Variants in ZNF124 observed in about 807,000 individuals in gnomAD.
ZNF124 encodes the protein zinc finger protein HZF-16.
In ZNF124, 25 loss-of-function variants were observed where a neutral mutation model predicts 26.6. The observed-to-expected ratio is 0.94, with a 90% confidence interval of 0.68 to 1.31. ZNF124 has a LOEUF of 1.31. ZNF124 is among the 40% of genes most tolerant of loss of function. ZNF124 has a pLI of 0.00. For missense variants in ZNF124, 444 were observed against 422.2 expected (o/e 1.05, Z -0.45); for synonymous variants, 129 against 133.3 (o/e 0.97, Z 0.22).
At position 247,157,411 on chromosome 1, in the gene ZNF124, G is replaced by T; in HGVS notation, c.219-8C>A. The T allele has an allele frequency of 6.4e-7, 1 of 1,551,644 alleles. No individual in the cohort carries two copies. The highest frequency in any genetic ancestry group is 1.2e-5 in the South Asian group (1 of 84,116). On this transcript the variant is annotated splice_polypyrimidine_tract_variant and splice_region_variant and intron_variant, in intron 3 of 3. Coordinates refer to ENST00000543802, the MANE Select transcript of ZNF124 (RefSeq NM_001297568.2). ...GAATGAGATATGATGTGCCTATGAA[G>T]GGATGAATGACGTATGAAGAATTTT... is the stretch of plus-strand genomic sequence containing the variant.
rs573315264 is a variant in ZNF124 at position 247,165,255 on chromosome 1, T to G, written c.31-5442A>C. 4.6e-5 allele frequency among the ~76,000 whole-genome samples: 7 copies of G among 152,254 alleles called. 2 individuals are homozygous for G. Among genetic ancestry groups the G allele is most frequent in the African/African-American group, 1.7e-4 (7 of 41,550 alleles). ...TGCTGGGATTACAGGCGTGAGCCAC[T>G]GCGCCTGGCCAACCATCTGATTTTT... On this transcript the variant is annotated intron_variant, in intron 1 of 3. Transcript: ENST00000543802.
At chr1:247,151,981 T>C (rs1672959778), downstream of ZNF124, among the ~76,000 whole-genome samples, 1 of 151,794 alleles carries the variant, frequency 6.6e-6, no homozygotes, top group Non-Finnish European at 1.5e-5. Context: ...TGTCCATCCC[T>C]GAGAATAAGT....
At chr1:247,159,548 G>C in intron 2 of ZNF124, 139 bp downstream of exon 2, 2 of 779,244 alleles carry the variant, frequency 2.6e-6, no homozygotes, top group South Asian at 3.8e-5. Context: ...TAAGAAACAA[G>C]AGTCATTGCA....
At chr1:247,140,089 A>G (rs1171439053) in intron 3 of ZNF124, among the ~76,000 whole-genome samples, 1 of 152,198 alleles carries the variant, frequency 6.6e-6, no homozygotes. Flanking sequence ...ATGTTTTCCA[A>G]CTTGTTTGCT....
chr1:247,157,330 G>T lies in ZNF124; in HGVS notation c.292C>A (p.Gln98Lys). 6.4e-7 allele frequency: 1 copy of T among 1,571,054 alleles called. No individual in the cohort carries two copies. Among genetic ancestry groups the T allele is most frequent in the Non-Finnish European group, 8.6e-7 (1 of 1,156,492 alleles). Residue 98 changes from glutamine (Q) to lysine (K), a missense_variant, in exon 4 of 4, where the codon CAA (glutamine) becomes AAA (lysine). Physicochemically the swap from Gln to Lys is moderately conservative, Grantham distance 53. Transcript: ENST00000543802. The stretch of plus-strand genomic sequence containing the variant: ...ACAGAAAGGGAAGTTTTCTGACATT[G>T]TTTACATGTACATGGCTTCTTTCCG... ...ECGKKPCTCK[Q>K]CQKTSLSVTR...
At chr1:247,167,791 T>C (rs1414521545) in intron 1 of ZNF124, among the ~76,000 whole-genome samples, 2 of 151,416 alleles carry the variant, frequency 1.3e-5, no homozygotes, top group African/African-American at 4.9e-5. Context: ...ACCCACAGAG[T>C]GGGAGAAAAT....
downstream of ZNF124, among the ~76,000 whole-genome samples, chr1:247,150,838 T>C (rs1672912886): frequency 1.3e-5 from 2 of 151,908 alleles, no homozygotes; most frequent in East Asian, 3.9e-4. Flanking sequence ...CTCTGTGGCC[T>C]TAAGAGAAAT....
In ZNF124 at chr1:247,157,090, A is replaced by T; in HGVS notation, c.532T>A (p.Tyr178Asn). The change falls in exon 4 of 4, where the codon TAT becomes AAT. Residue 178 changes from tyrosine (Y) to asparagine (N), a missense_variant. Coordinates refer to ENST00000543802, the MANE Select transcript of ZNF124 (RefSeq NM_001297568.2). ...HKRIHTGEKR[Y>N]ECKQCGKAFS... ...GCTTTCCCACATTGCTTACATTCATAGCGTTTTTCTCCAGTGTGAATCCTT... is the reference window on the plus strand; with the variant it reads ...GCTTTCCCACATTGCTTACATTCATTGCGTTTTTCTCCAGTGTGAATCCTT... 1 of 1,614,204 alleles carries T rather than the reference A, an allele frequency of 6.2e-7. No individual in the cohort carries two copies.
chr1:247,138,970 A>G (rs535804267), intron 3 of ZNF124, among the ~76,000 whole-genome samples: 3 of 152,356 alleles, frequency 2.0e-5, no homozygotes, highest in East Asian at 1.9e-4. Context: ...AAAGAATGCA[A>G]CCATTGTCTC....
downstream of ZNF124, among the ~76,000 whole-genome samples, chr1:247,154,215 G>A (rs984901240): frequency 6.6e-6 from 1 of 152,208 alleles, no homozygotes; most frequent in African/African-American, 2.4e-5. Context: ...AAGACCAGGT[G>A]GAGGTAACTG....
chr1:247,125,980 T>C (rs894499366), intron 3 of ZNF124, among the ~76,000 whole-genome samples: 16 of 143,528 alleles, frequency 1.1e-4, no homozygotes, highest in Non-Finnish European at 2.3e-4. Flanking sequence ...GAAAATGTAA[T>C]AGTCCAGGCA....
intron 3 of ZNF124, among the ~76,000 whole-genome samples, chr1:247,131,283 G>A (rs180778333): frequency 6.6e-6 from 1 of 152,224 alleles, no homozygotes; most frequent in Non-Finnish European, 1.5e-5. Flanking sequence ...TGGGGAAACT[G>A]CTATTTCCAT....
At chr1:247,167,488 G>C (rs1022053903) in intron 1 of ZNF124, among the ~76,000 whole-genome samples, 2 of 152,188 alleles carry the variant, frequency 1.3e-5, no homozygotes, top group Admixed American at 6.5e-5. Context: ...AATCATAAAG[G>C]AAGAGAGATT....
intron 3 of ZNF124, among the ~76,000 whole-genome samples, chr1:247,148,570 G>A (rs189305158): frequency 6.6e-6 from 1 of 152,196 alleles, no homozygotes; most frequent in African/African-American, 2.4e-5. Context: ...TGTTCCCCAC[G>A]TCCACTCCAA....
downstream of ZNF124, among the ~76,000 whole-genome samples, chr1:247,153,446 GAA>G (rs1673003589): frequency 6.6e-6 from 1 of 152,210 alleles, no homozygotes; most frequent in African/African-American, 2.4e-5. Flanking sequence ...TGTCTGGACT[GAA>G]GTCACGGAGT....
Position 247,156,404 on chromosome 1 carries a change from A to C in ZNF124, c.*162T>G. 7.8e-7 allele frequency: 1 copy of C among 1,283,396 alleles called. No homozygotes were observed. Among genetic ancestry groups the C allele is most frequent in the South Asian group, 3.0e-5 (1 of 33,212 alleles). 79.5% of individuals were successfully genotyped at this position (1,283,396 alleles called of 1,614,324 possible). On this transcript the variant is annotated 3_prime_UTR_variant, in exon 4 of 4. Transcript: ENST00000543802. ...AAGAAATGGAAAAATTGAATGCTTTACCTTATTGCTTATAGTCATAGGGTT... is the reference window on the plus strand; with the variant it reads ...AAGAAATGGAAAAATTGAATGCTTTCCCTTATTGCTTATAGTCATAGGGTT...
At chr1:247,158,514 C>G (rs1673282932) in intron 3 of ZNF124, among the ~76,000 whole-genome samples, 1 of 152,164 alleles carries the variant, frequency 6.6e-6, no homozygotes, top group Non-Finnish European at 1.5e-5. Context: ...TAAAACAATA[C>G]TGTTTTCAAG....
intron 3 of ZNF124, among the ~76,000 whole-genome samples, chr1:247,137,782 C>A (rs563779472): frequency 2.0e-5 from 3 of 152,042 alleles, no homozygotes; most frequent in Non-Finnish European, 4.4e-5. Flanking sequence ...AAAAACTCAT[C>A]AAAAAGTGGG....
chr1:247,145,006 C>T (rs1056097000), intron 3 of ZNF124, among the ~76,000 whole-genome samples: 1 of 152,110 alleles, frequency 6.6e-6, no homozygotes, highest in African/African-American at 2.4e-5. Context: ...GAACTCCTGA[C>T]CTTGTGATCC....
Sources: gnomAD v4.1 joint callset for allele counts (sites outside exome capture counted in the v4.1 genomes callset) on GRCh38, gnomAD v4.1.1 for gene constraint, MANE v1.5 for transcripts, NCBI Gene and HGNC (gene_info 2026-07-23, HGNC 2026-07-21) for gene names.